The following MTMR8 variants were observed in gnomAD, a reference collection of about 807,000 sequenced individuals.
MTMR8 encodes the protein myotubularin related protein 8, also known as phosphatidylinositol-3,5-bisphosphate 3-phosphatase MTMR8.
In MTMR8, 65 loss-of-function variants were observed where a neutral mutation model predicts 39.3. The observed-to-expected ratio is 1.65, with a 90% CI of 1.35 to 2.03. The LOEUF (loss-of-function observed/expected upper bound fraction) is 2.03, where lower values mean the gene tolerates loss of function less well. MTMR8 is among the 30% of genes most tolerant of loss of function. The pLI, the probability that MTMR8 is intolerant of heterozygous loss-of-function variation, is 0.00. For missense variants in MTMR8, 777 were observed against 538.9 expected, an observed-to-expected ratio of 1.44 and a Z score of -4.37; for synonymous variants, 245 against 185.2, an observed-to-expected ratio of 1.32 and a Z score of -2.62.
chrX:64,273,067 A>G (rs991740999), intron 12 of MTMR8, among the ~76,000 whole-genome samples: 1 of 111,700 alleles, frequency 9.0e-6, no homozygotes, highest in Non-Finnish European at 1.9e-5. Context: ...TGAAAGGGAA[A>G]TGAAAATGAA....
At chrX:64,277,195 T>C (rs929917251) in intron 12 of MTMR8, among the ~76,000 whole-genome samples, 8 of 112,097 alleles carry the variant, frequency 7.1e-5, no homozygotes, top group Non-Finnish European at 1.3e-4. Context: ...CTTGACTCTA[T>C]CCAATTTGCC....
At chrX:64,282,895 G>A (rs111938044) in intron 12 of MTMR8, among the ~76,000 whole-genome samples, 3,636 of 111,549 alleles carry the variant, frequency 0.033, 84 homozygotes, top group Non-Finnish European at 0.053. Context: ...AGCTCCCAGC[G>A]TGAGTGATGC....
intron 12 of MTMR8, among the ~76,000 whole-genome samples, chrX:64,296,461 A>C (rs943095756): frequency 1.8e-4 from 20 of 110,761 alleles, no homozygotes; most frequent in African/African-American, 6.2e-4. Context: ...GGTAAATTTT[A>C]TGTTATGTAT....
intron 10 of MTMR8, 149 bp downstream of exon 10, chrX:64,335,930 T>C: frequency 2.6e-6 from 1 of 379,567 alleles, no homozygotes. Context: ...CCTAGCATAG[T>C]ATCTAGAATA....
chrX:64,364,697 G>A (rs902733228), intron 1 of MTMR8, among the ~76,000 whole-genome samples: 11 of 111,596 alleles, frequency 9.9e-5, no homozygotes, highest in East Asian at 2.8e-4. Context: ...AAACCAGAGC[G>A]CCTCTTCTCC....
intron 12 of MTMR8, among the ~76,000 whole-genome samples, chrX:64,292,955 C>T (rs1444501810): frequency 1.8e-5 from 2 of 111,297 alleles, no homozygotes; most frequent in Non-Finnish European, 3.8e-5. Flanking sequence ...ATTTTTACGG[C>T]TTGGCTTGGT....
chrX:64,320,020 T>C (rs896685644), intron 12 of MTMR8, among the ~76,000 whole-genome samples: 1 of 111,784 alleles, frequency 8.9e-6, no homozygotes, highest in East Asian at 2.8e-4. Context: ...ACGATATTGA[T>C]TCTTGCTATC....
At chrX:64,285,104 C>T (rs1014079773) in intron 12 of MTMR8, among the ~76,000 whole-genome samples, 2 of 110,901 alleles carry the variant, frequency 1.8e-5, no homozygotes, top group African/African-American at 3.3e-5. Context: ...CACACTTAGG[C>T]TCAAAATAAA....
chrX:64,268,466 A>G lies in MTMR8; in HGVS notation c.*71T>C. The G allele has an allele frequency of 2.6e-6, 3 of 1,134,376 alleles. No homozygotes were observed. The highest frequency in any genetic ancestry group is 3.5e-6 in the Non-Finnish European group (3 of 852,915). The allele number at this position is 1,134,376 out of a possible 1,213,427, so 93.5% of individuals were successfully genotyped here. On this transcript the variant is annotated 3_prime_UTR_variant, in exon 14 of 14. Transcript: ENST00000374852. ...CACTTAAACCAATTGGAAAAGCAGCATAGCCCTCTCTGGGACAAGAATCAT... is the reference window on the plus strand; with the variant it reads ...CACTTAAACCAATTGGAAAAGCAGCGTAGCCCTCTCTGGGACAAGAATCAT...
intron 2 of MTMR8, among the ~76,000 whole-genome samples, chrX:64,357,323 C>T (rs1174784617): frequency 9.0e-6 from 1 of 111,521 alleles, no homozygotes; most frequent in African/African-American, 3.3e-5. Flanking sequence ...TGCCCCAGTC[C>T]CTAATTTCTT....
intron 1 of MTMR8, among the ~76,000 whole-genome samples, chrX:64,365,169 A>C (rs1923911145): frequency 8.9e-6 from 1 of 111,791 alleles, no homozygotes; most frequent in Admixed American, 9.5e-5. Flanking sequence ...GAATGGAACC[A>C]AGTTGGAAAA....
At chrX:64,387,552 C>A (rs746514122) in intron 1 of MTMR8, among the ~76,000 whole-genome samples, 2 of 110,010 alleles carry the variant, frequency 1.8e-5, no homozygotes, top group East Asian at 2.9e-4. Context: ...TTACTCAGAC[C>A]CTCCCCTCTT....
intron 1 of MTMR8, among the ~76,000 whole-genome samples, chrX:64,392,040 C>T (rs894258492): frequency 3.6e-5 from 4 of 111,574 alleles, no homozygotes; most frequent in Admixed American, 2.9e-4. Context: ...ATACATAGAA[C>T]AAATTCTGAT....
At position 64,268,629 on chromosome X, in the gene MTMR8, C is replaced by G. The variant is rs1156947185; in HGVS notation, c.2023G>C (p.Ala675Pro). 2.5e-6 allele frequency: 3 copies of G among 1,211,673 alleles called. No individual in the cohort carries two copies. In the South Asian group the frequency reaches 5.3e-5, roughly 21 times the overall value. Reference protein sequence around the residue: ...GISGNLGISEARGFSGDMGIL... With the variant: ...GISGNLGISEPRGFSGDMGIL... ...CCCATGTCCCCAGAGAAACCCCTGG[C>G]CTCAGAAATACCCAAGTTTCCAGAG... Residue 675 changes from alanine (A) to proline (P), a missense_variant, in exon 14 of 14, where the codon GCC (alanine) becomes CCC (proline). Ala to Pro is a conservative substitution (Grantham distance 27, BLOSUM62 -1). Coordinates refer to ENST00000374852, the MANE Select transcript of MTMR8 (RefSeq NM_017677.4).
intron 13 of MTMR8, among the ~76,000 whole-genome samples, chrX:64,270,109 A>T (rs771169316): frequency 1.8e-5 from 2 of 110,237 alleles, no homozygotes; most frequent in African/African-American, 6.6e-5. Flanking sequence ...CTTCTCGGGG[A>T]TGCATGTTTC....
At chrX:64,309,977 A>G (rs1922245458) in intron 12 of MTMR8, among the ~76,000 whole-genome samples, 1 of 111,482 alleles carries the variant, frequency 9.0e-6, no homozygotes. Context: ...TGGTGGTTGA[A>G]GGTTGGAGTG....
intron 12 of MTMR8, among the ~76,000 whole-genome samples, chrX:64,296,662 G>T (rs1252963949): frequency 1.9e-5 from 2 of 104,301 alleles, no homozygotes; most frequent in Admixed American, 2.1e-4. Flanking sequence ...CATGTGCCAT[G>T]CTGGTGCGCT....
Position 64,268,490 on chromosome X carries a change from A to T in MTMR8, c.*47T>A, listed in dbSNP as rs773328888. Reference sequence around the variant, plus strand: ...CATAGCCCTCTCTGGGACAAGAATCATTGTAGCTGCTGTAGGTATACCTAG... The same window carrying T: ...CATAGCCCTCTCTGGGACAAGAATCTTTGTAGCTGCTGTAGGTATACCTAG... On this transcript the variant is annotated 3_prime_UTR_variant, in exon 14 of 14. Transcript: ENST00000374852. The T allele has an allele frequency of 3.5e-6, 4 of 1,154,859 alleles. No homozygotes were observed. The highest frequency in any genetic ancestry group is 4.6e-6 in the Non-Finnish European group (4 of 868,636).
intron 12 of MTMR8, among the ~76,000 whole-genome samples, chrX:64,322,409 C>G (rs1335630316): frequency 9.0e-6 from 1 of 111,604 alleles, no homozygotes; most frequent in Non-Finnish European, 1.9e-5. Flanking sequence ...TTAGAGTATG[C>G]TGTTTTTATA....
Sources: allele counts gnomAD v4.1 joint callset (sites outside exome capture counted in the v4.1 genomes callset), GRCh38; gene constraint gnomAD v4.1.1; transcripts MANE v1.5; gene names NCBI Gene and HGNC (gene_info 2026-07-23, HGNC 2026-07-21).